DARS1: variants seen among roughly 807,000 people sequenced by gnomAD.
DARS1 encodes aspartate--tRNA ligase, cytoplasmic.
A neutral mutation model predicts 68.8 loss-of-function variants in DARS1; 51 were observed. That is an observed-to-expected ratio of 0.74 (90% confidence interval 0.59 to 0.94). The LOEUF (loss-of-function observed/expected upper bound fraction) is 0.94, where lower values mean the gene tolerates loss of function less well. Among genes scored for constraint, DARS1 ranks in the 40% least tolerant of loss-of-function variants. The pLI is 0.00. For missense variants in DARS1, 607 were observed against 597.3 expected, an observed-to-expected ratio of 1.02 and a Z score of -0.17; for synonymous variants, 203 against 190.4, an observed-to-expected ratio of 1.07 and a Z score of -0.55.
chr2:135,944,490 T>C (rs888053025), intron 4 of DARS1, among the ~76,000 whole-genome samples: 3 of 152,126 alleles, frequency 2.0e-5, no homozygotes, highest in African/African-American at 7.2e-5. Flanking sequence ...ATGAGGATAA[T>C]AGGTGAAGAG....
chr2:135,945,889 C>T (rs974869313), intron 4 of DARS1, among the ~76,000 whole-genome samples: 1 of 152,146 alleles, frequency 6.6e-6, no homozygotes, highest in Admixed American at 6.5e-5. Flanking sequence ...CTCAGTATTT[C>T]CCCTTATTAT....
chr2:135,978,711 T>C (rs1682555125), intron 3 of DARS1, among the ~76,000 whole-genome samples: 2 of 152,228 alleles, frequency 1.3e-5, no homozygotes, highest in African/African-American at 4.8e-5. Context: ...TATTCTGTAT[T>C]TGTGCTGTCT....
At chr2:135,976,253 C>G (rs1027498204) in intron 3 of DARS1, among the ~76,000 whole-genome samples, 1 of 152,130 alleles carries the variant, frequency 6.6e-6, no homozygotes, top group Non-Finnish European at 1.5e-5. Context: ...GGGAGCAGAA[C>G]AAGTGAATTA....
chr2:135,932,843 C>CA lies in DARS1; in HGVS notation c.505-2_505-1insT. The CA allele has an allele frequency of 4.4e-6, 5 of 1,131,964 alleles. No individual in the cohort carries two copies. The highest frequency in any genetic ancestry group is 6.2e-6 in the Non-Finnish European group (5 of 811,616). 70.1% of individuals were successfully genotyped at this position (1,131,964 alleles called of 1,614,324 possible). On this transcript the variant is annotated splice_acceptor_variant, in intron 6 of 15. Coordinates refer to ENST00000264161, the MANE Select transcript of DARS1 (RefSeq NM_001349.4). LOFTEE classifies it high-confidence loss of function. ...CCTGGTTAACAGTAGCTCTTCCTTCCTAAAAAAAAAAAAAAAGAAAAGAAA... is the reference window on the plus strand; with the variant it reads ...CCTGGTTAACAGTAGCTCTTCCTTCCATAAAAAAAAAAAAAAAGAAAAGAAA...
chr2:135,985,590 G>A lies in DARS1; in HGVS notation c.-122C>T, dbSNP rs779404715. ...CCGACCCTGGGGTCTCAGCACACGC[G>A]CTCGGACTCCGCGTGGAGGTGCGGC... On this transcript the variant is annotated 5_prime_UTR_variant, in exon 1 of 16. Coordinates refer to ENST00000264161, the MANE Select transcript of DARS1 (RefSeq NM_001349.4). 4.1e-5 allele frequency: 63 copies of A among 1,550,784 alleles called. 1 individual carries two copies. The highest frequency in any genetic ancestry group is 2.0e-4 in the South Asian group (17 of 85,422).
At chr2:135,930,894 T>C (rs1050828896) in intron 7 of DARS1, among the ~76,000 whole-genome samples, 1 of 152,182 alleles carries the variant, frequency 6.6e-6, no homozygotes, top group Non-Finnish European at 1.5e-5. Context: ...TGAAGCTAAT[T>C]TGCCGTGCCA....
rs1318600012 is a variant in DARS1, at chr2:135,978,160, A to AG, written c.217+1113_217+1114insC. 3.4e-5 allele frequency among the ~76,000 whole-genome samples: 5 copies of AG among 149,172 alleles called. No homozygotes were observed. The East Asian group carries it at 5.8e-4, about 17-fold the overall frequency. Reference sequence around the variant, plus strand: ...TCTGTCTCAAAAAAAAAAAAAAAAAAAAAAAGAAAAAAAGAAAAAAGGAAA... The same window carrying AG: ...TCTGTCTCAAAAAAAAAAAAAAAAAAGAAAAAGAAAAAAAGAAAAAAGGAAA... On this transcript the variant is annotated intron_variant, in intron 3 of 15. Transcript: ENST00000264161.
In DARS1 at chr2:135,907,421, A is replaced by T; in HGVS notation, c.1415-14T>A. 6.3e-7 allele frequency: 1 copy of T among 1,581,402 alleles called. No individual in the cohort carries two copies. Among genetic ancestry groups the T allele is most frequent in the Non-Finnish European group, 8.7e-7 (1 of 1,153,448 alleles). ...CTCGTTCCAATCCTGGGGAAGACAA[A>T]AATAATCATTAATTCCTTTTTGAAA... On this transcript the variant is annotated splice_polypyrimidine_tract_variant and intron_variant, in intron 15 of 15. Coordinates refer to ENST00000264161, the MANE Select transcript of DARS1 (RefSeq NM_001349.4).
chr2:135,943,180 T>A (rs1681644953), intron 5 of DARS1, 198 bp downstream of exon 5: 1 of 703,520 alleles, frequency 1.4e-6, no homozygotes, highest in African/African-American at 1.8e-5. Context: ...CACAGAATTG[T>A]AAGCAAATAA....
intron 5 of DARS1, among the ~76,000 whole-genome samples, chr2:135,937,149 T>C (rs1681488307): frequency 6.6e-6 from 1 of 152,076 alleles, no homozygotes; most frequent in African/African-American, 2.4e-5. Flanking sequence ...AGTGCAGTGG[T>C]GCGATCTTGG....
intron 3 of DARS1, among the ~76,000 whole-genome samples, chr2:135,973,486 G>A (rs1219587176): frequency 6.7e-6 from 1 of 149,030 alleles, no homozygotes; most frequent in Admixed American, 6.8e-5. Context: ...AAAAAAAAAA[G>A]AATGAGTAAG....
At chr2:135,976,966 T>C (rs1206010680) in intron 3 of DARS1, among the ~76,000 whole-genome samples, 1 of 152,184 alleles carries the variant, frequency 6.6e-6, no homozygotes, top group Non-Finnish European at 1.5e-5. Context: ...CTATTATATG[T>C]GTATAAAACA....
intron 5 of DARS1, among the ~76,000 whole-genome samples, chr2:135,935,549 G>A (rs1373523397): frequency 6.6e-6 from 1 of 151,978 alleles, no homozygotes; most frequent in East Asian, 1.9e-4. Context: ...GCAATGAGCC[G>A]AGATCCCGCC....
In DARS1 at chr2:135,906,005, T is replaced by G. The variant is rs770776774; in HGVS notation, c.*1311A>C. Among the ~76,000 whole-genome samples, 5 of 152,242 alleles carry G rather than the reference T, an allele frequency of 3.3e-5. No individual in the cohort carries two copies. Among genetic ancestry groups the G allele is most frequent in the Non-Finnish European group, 5.9e-5 (4 of 68,036 alleles). On this transcript the variant is annotated 3_prime_UTR_variant, in exon 16 of 16. Transcript: ENST00000264161. Reference sequence around the variant, plus strand: ...TACACACTATAGAAGATGGATATTTTATTCTTGCTGTGGATTAAATTATGA... The same window carrying G: ...TACACACTATAGAAGATGGATATTTGATTCTTGCTGTGGATTAAATTATGA...
chr2:135,932,174 T>A (rs559901469), intron 7 of DARS1, among the ~76,000 whole-genome samples: 116 of 152,258 alleles, frequency 7.6e-4, no homozygotes, highest in African/African-American at 1.1e-3. Context: ...AATTTGAGCT[T>A]GAGTAGAATA....
At chr2:135,918,027 C>T (rs1021480309) in intron 10 of DARS1, among the ~76,000 whole-genome samples, 11 of 152,078 alleles carry the variant, frequency 7.2e-5, no homozygotes, top group African/African-American at 2.7e-4. Flanking sequence ...TCAAGCAATT[C>T]TCCTGCCTCA....
rs1450128302 is a variant in DARS1 at position 135,914,510 on chromosome 2, T to C, written c.1108A>G (p.Thr370Ala). Reference sequence around the variant, plus strand: ...TGACCCAACAGCTTTTCATTTGGTGTGCTGAAAAAGAAACGTGAAATCAGT... The same window carrying C: ...TGACCCAACAGCTTTTCATTTGGTGCGCTGAAAAAGAAACGTGAAATCAGT... ...VEMGDEDDLS[T>A]PNEKLLGHLV... Residue 370 changes from threonine (T) to alanine (A), a missense_variant and splice_region_variant, in exon 12 of 16, where the codon ACA becomes GCA. Coordinates refer to ENST00000264161, the MANE Select transcript of DARS1 (RefSeq NM_001349.4). 4 of 1,439,050 alleles carry C rather than the reference T, an allele frequency of 2.8e-6. No homozygotes were observed. Among genetic ancestry groups the C allele is most frequent in the Non-Finnish European group, 3.9e-6 (4 of 1,020,212 alleles). The allele number at this position is 1,439,050 out of a possible 1,614,324, so 89.1% of individuals were successfully genotyped here.
At position 135,905,958 on chromosome 2, in the gene DARS1, T is replaced by C. The variant is rs77637735; in HGVS notation, c.*1358A>G. On this transcript the variant is annotated 3_prime_UTR_variant, in exon 16 of 16. Coordinates refer to ENST00000264161, the MANE Select transcript of DARS1 (RefSeq NM_001349.4). ...AACAGCTCTAGGGCCAATATTATTG[T>C]ACTATTTTAGGGTCTAGCAATTACA... Among the ~76,000 whole-genome samples the C allele has an allele frequency of 6.6e-3, 1,001 of 152,324 alleles. 8 individuals are homozygous for C. The highest frequency in any genetic ancestry group is 0.023 in the African/African-American group (953 of 41,572).
intron 4 of DARS1, among the ~76,000 whole-genome samples, chr2:135,945,003 TCTA>T (rs1479330849): frequency 1.3e-5 from 2 of 152,162 alleles, no homozygotes; most frequent in African/African-American, 4.8e-5. Flanking sequence ...CTACCTTTCT[TCTA>T]TATCCCTGAC....
Sources: allele counts gnomAD v4.1 joint callset (sites outside exome capture counted in the v4.1 genomes callset), GRCh38; gene constraint gnomAD v4.1.1; transcripts MANE v1.5; gene names NCBI Gene and HGNC (gene_info 2026-07-23, HGNC 2026-07-21).